GABRB1: variants seen among roughly 807,000 people sequenced by gnomAD.
GABRB1 encodes the protein gamma-aminobutyric acid receptor subunit beta-1.
GABRB1 carries 17 observed loss-of-function variants against 51.6 expected under a neutral mutation model. The ratio of observed to expected loss-of-function variants is 0.33; its 90% CI spans 0.23 to 0.49. The LOEUF is 0.49. GABRB1 is among the 20% of genes least tolerant of loss of function. The probability of loss-of-function intolerance (pLI) is 0.99; values close to 1 mark genes in which losing one functional copy is unlikely to be tolerated. For missense variants in GABRB1, 410 were observed against 600.6 expected (o/e 0.68, Z 3.32); for synonymous variants, 247 against 218.9 (o/e 1.13, Z -1.14).
chr4:47,278,232 G>A (rs1348605032), intron 4 of GABRB1, among the ~76,000 whole-genome samples: 1 of 152,130 alleles, frequency 6.6e-6, no homozygotes, highest in Non-Finnish European at 1.5e-5. Context: ...GGCACGTAGT[G>A]AGCACATAAT....
chr4:47,256,828 A>T (rs1722220857), intron 4 of GABRB1, among the ~76,000 whole-genome samples: 1 of 152,162 alleles, frequency 6.6e-6, no homozygotes, highest in Non-Finnish European at 1.5e-5. Context: ...AACACTGAGG[A>T]TTACAATTCA....
intron 8 of GABRB1, among the ~76,000 whole-genome samples, chr4:47,422,932 C>A (rs1236940748): frequency 6.6e-6 from 1 of 152,074 alleles, no homozygotes; most frequent in East Asian, 1.9e-4. Flanking sequence ...AAATCAATTT[C>A]ATTTCTATTT....
chr4:47,104,384 G>T (rs1449959907), intron 3 of GABRB1, among the ~76,000 whole-genome samples: 1 of 151,474 alleles, frequency 6.6e-6, no homozygotes, highest in Non-Finnish European at 1.5e-5. Flanking sequence ...GTTTGTTTTT[G>T]TATTTATTAC....
intron 5 of GABRB1, among the ~76,000 whole-genome samples, chr4:47,365,823 T>C (rs1277945864): frequency 6.6e-6 from 1 of 152,210 alleles, no homozygotes; most frequent in Non-Finnish European, 1.5e-5. Context: ...TGAGCACAGC[T>C]AACCTGCTCT....
chr4:47,001,402 A>G (rs1392592480), intron 1 of GABRB1, among the ~76,000 whole-genome samples: 1 of 152,316 alleles, frequency 6.6e-6, no homozygotes, highest in Admixed American at 6.5e-5. Flanking sequence ...TTGGCCTCCC[A>G]AAGTGCTGGA....
chr4:47,332,197 C>T (rs1323428091), intron 5 of GABRB1, among the ~76,000 whole-genome samples: 1 of 152,210 alleles, frequency 6.6e-6, no homozygotes, highest in Non-Finnish European at 1.5e-5. Flanking sequence ...CAAATCACTT[C>T]TATAAATGCA....
chr4:47,131,800 T>A (rs1288495869), intron 3 of GABRB1, among the ~76,000 whole-genome samples: 1 of 152,186 alleles, frequency 6.6e-6, no homozygotes, highest in African/African-American at 2.4e-5. Flanking sequence ...ATTAGGATGA[T>A]GATCAGAAAT....
intron 4 of GABRB1, among the ~76,000 whole-genome samples, chr4:47,288,809 C>A (rs1723613037): frequency 6.6e-6 from 1 of 152,174 alleles, no homozygotes; most frequent in South Asian, 2.1e-4. Context: ...CCAGAGAAGT[C>A]AGGTAACTTG....
At chr4:47,123,910 AT>A (rs373397142) in intron 3 of GABRB1, among the ~76,000 whole-genome samples, 2 of 59,246 alleles carry the variant, frequency 3.4e-5, no homozygotes, top group African/African-American at 4.5e-5. Context: ...TATATTATAT[AT>A]TAATATATGA....
At chr4:47,134,648 A>C (rs1380958365) in intron 3 of GABRB1, among the ~76,000 whole-genome samples, 1 of 152,220 alleles carries the variant, frequency 6.6e-6, no homozygotes, top group Non-Finnish European at 1.5e-5. Flanking sequence ...AAATTTCTAG[A>C]TGTGTGATTG....
At chr4:47,072,907 G>A (rs1439056935) in intron 3 of GABRB1, among the ~76,000 whole-genome samples, 1 of 152,084 alleles carries the variant, frequency 6.6e-6, no homozygotes, top group East Asian at 1.9e-4. Flanking sequence ...GTGACTTTAA[G>A]CATTGACAAT....
At chr4:47,087,545 T>G (rs1489242787) in intron 3 of GABRB1, among the ~76,000 whole-genome samples, 2 of 151,760 alleles carry the variant, frequency 1.3e-5, no homozygotes, top group Non-Finnish European at 2.9e-5. Context: ...CACTTTCTTT[T>G]TTTTTTTTTT....
At chr4:47,306,467 G>C (rs1001231192) in intron 4 of GABRB1, among the ~76,000 whole-genome samples, 1 of 151,452 alleles carries the variant, frequency 6.6e-6, no homozygotes, top group Non-Finnish European at 1.5e-5. Flanking sequence ...AGGAAAAGAG[G>C]AAGGAAAGGA....
chr4:47,425,903 A>G lies in GABRB1; in HGVS notation c.1310A>G (p.Lys437Arg). The change falls in exon 9 of 9, where the codon AAA becomes AGA. Residue 437 changes from lysine to arginine, a missense_variant. This residue lies in a region of GABRB1 where 181 missense variants were observed against 195.6 expected (regional missense o/e 0.93). Transcript: ENST00000295454. ...GRIRRRASQL[K>R]VKIPDLTDVN... ...ATCCGCAGGCGTGCCTCCCAGCTCA[A>G]AGTCAAGATCCCCGACTTGACTGAT... The G allele has an allele frequency of 1.2e-6, 2 of 1,614,114 alleles. No individual in the cohort carries two copies. Among genetic ancestry groups the G allele is most frequent in the Non-Finnish European group, 1.7e-6 (2 of 1,179,938 alleles).
At chr4:47,167,173 T>G (rs1404372768) in intron 4 of GABRB1, among the ~76,000 whole-genome samples, 3 of 152,144 alleles carry the variant, frequency 2.0e-5, no homozygotes, top group African/African-American at 7.2e-5. Context: ...AGTTGTCAGC[T>G]GCAACATTTT....
At chr4:47,156,263 C>G (rs931034373) in intron 3 of GABRB1, among the ~76,000 whole-genome samples, 7 of 152,018 alleles carry the variant, frequency 4.6e-5, no homozygotes, top group African/African-American at 1.4e-4. Context: ...GCCACTGTAA[C>G]TGGGGTCAGA....
intron 3 of GABRB1, among the ~76,000 whole-genome samples, chr4:47,087,371 A>G (rs1180428425): frequency 6.6e-6 from 1 of 151,928 alleles, no homozygotes; most frequent in African/African-American, 2.4e-5. Flanking sequence ...ATTATTATTG[A>G]TACAGTTTTC....
chr4:47,136,434 C>T (rs1041771519), intron 3 of GABRB1, among the ~76,000 whole-genome samples: 1 of 151,850 alleles, frequency 6.6e-6, no homozygotes, highest in African/African-American at 2.4e-5. Context: ...ATGGTAACTG[C>T]TAATTCAATT....
intron 5 of GABRB1, among the ~76,000 whole-genome samples, chr4:47,321,676 C>T (rs1725091721): frequency 6.6e-6 from 1 of 152,080 alleles, no homozygotes; most frequent in African/African-American, 2.4e-5. Context: ...ACAAGTAAAT[C>T]ATTACTTTTG....
Sources: gnomAD v4.1 joint callset for allele counts (sites outside exome capture counted in the v4.1 genomes callset) on GRCh38, gnomAD v4.1.1 for gene constraint, gnomAD v4.1.1 regional missense constraint, MANE v1.5 for transcripts, NCBI Gene and HGNC (gene_info 2026-07-23, HGNC 2026-07-21) for gene names.